SLX9: variants seen among roughly 807,000 people sequenced by gnomAD.
The protein encoded by SLX9 is ribosome biogenesis protein SLX9 homolog.
SLX9 carries 19 observed loss-of-function variants against 20.8 expected under a neutral mutation model. The observed-to-expected ratio is 0.91, with a 90% CI of 0.64 to 1.34. The LOEUF is 1.34. Among genes scored for constraint, SLX9 ranks in the 40% most tolerant of loss-of-function variants. SLX9 has a pLI of 0.00. For synonymous variants in SLX9, 113 were observed against 137.1 expected (o/e 0.82, Z 1.23); for missense variants, 299 against 322.2 (o/e 0.93, Z 0.55).
Position 44,960,018 on chromosome 21 carries a change from C to G in SLX9, c.284-82C>G, listed in dbSNP as rs1480880099. On this transcript the variant is annotated intron_variant, in intron 2 of 5. Coordinates refer to ENST00000291634, the MANE Select transcript of SLX9 (RefSeq NM_058190.4). ...GCAGTGACTGTGGCAGCTCTGCAGT[C>G]AGGACCCGCCCCAGCCCATTCTCAG... 3.2e-6 allele frequency: 4 copies of G among 1,265,186 alleles called. No individual in the cohort carries two copies. In the East Asian group the frequency reaches 9.3e-5, roughly 30 times the overall value. The allele number at this position is 1,265,186 out of a possible 1,614,324, so 78.4% of individuals were successfully genotyped here.
intron 3 of SLX9, among the ~76,000 whole-genome samples, chr21:44,961,703 GATTAA>G (rs888359234): frequency 2.1e-4 from 32 of 152,228 alleles, no homozygotes; most frequent in Admixed American, 1.3e-3. Context: ...CTTCATTTCT[GATTAA>G]ATTAAGAAGT....
chr21:44,959,951 C>T (rs2084924755), intron 2 of SLX9, 149 bp from the exon 3 acceptor site: 1 of 693,446 alleles, frequency 1.4e-6, no homozygotes, highest in Non-Finnish European at 2.6e-6. Context: ...TGGTGCTGTC[C>T]AGAGCCGGGA....
In SLX9 at chr21:44,976,609, G is replaced by A. The variant is rs9808750; in HGVS notation, c.570-71G>A. ...TCTGCCATTCATTTCGGTGTCTGACGTTTCCGGGTGTTGAGGGGCTGAGGG... is the reference window on the plus strand; with the variant it reads ...TCTGCCATTCATTTCGGTGTCTGACATTTCCGGGTGTTGAGGGGCTGAGGG... On this transcript the variant is annotated intron_variant, in intron 5 of 5. Coordinates refer to ENST00000291634, the MANE Select transcript of SLX9 (RefSeq NM_058190.4). 5.2e-4 allele frequency: 795 copies of A among 1,532,164 alleles called. 4 individuals are homozygous for A. In the African/African-American group the frequency reaches 9.9e-3, roughly 19 times the overall value. The allele number at this position is 1,532,164 out of a possible 1,614,324, so 94.9% of individuals were successfully genotyped here.
In SLX9 at chr21:44,976,808, G is replaced by A; in HGVS notation, c.*5G>A. On this transcript the variant is annotated 3_prime_UTR_variant, in exon 6 of 6. Transcript: ENST00000291634. ...GAAGATGGCGGCCAGCTCTGACCAG[G>A]GCAGCGGGCATGCCACAACTCCTCA... 1 of 1,541,124 alleles carries A rather than the reference G, an allele frequency of 6.5e-7. No homozygotes were observed. Among genetic ancestry groups the A allele is most frequent in the East Asian group, 2.4e-5 (1 of 41,038 alleles).
Position 44,959,144 on chromosome 21 carries a change from C to T in SLX9, c.284-956C>T, listed in dbSNP as rs985581931. 10 of 931,554 alleles carry T rather than the reference C, an allele frequency of 1.1e-5. 1 individual carries two copies. In the African/African-American group the frequency reaches 1.2e-4, roughly 12 times the overall value. The allele number at this position is 931,554 out of a possible 1,614,324, so 57.7% of individuals were successfully genotyped here. ...GGCCTTGGAGGTTTCACACCGGCTC[C>T]TGAAGTGAAGTCTGAAATGCAGAGC... On this transcript the variant is annotated intron_variant, in intron 2 of 5. Transcript: ENST00000291634.
At chr21:44,940,664 C>T (rs2084526854) in intron 1 of SLX9, among the ~76,000 whole-genome samples, 1 of 122,118 alleles carries the variant, frequency 8.2e-6, no homozygotes, top group African/African-American at 3.4e-5. Flanking sequence ...GGAATTATTG[C>T]TTTCAGGATT....
chr21:44,950,217 C>T (rs1288020337), intron 2 of SLX9, among the ~76,000 whole-genome samples: 2 of 150,836 alleles, frequency 1.3e-5, no homozygotes, highest in Non-Finnish European at 2.9e-5. Context: ...AGCTCATTTT[C>T]TGCTATTTTC....
chr21:44,974,696 G>T (rs779107238), intron 5 of SLX9, among the ~76,000 whole-genome samples: 6 of 152,312 alleles, frequency 3.9e-5, no homozygotes, highest in Non-Finnish European at 8.8e-5. Context: ...CTCCTGAGGA[G>T]CAGGGTCTTC....
intron 1 of SLX9, 130 bp downstream of exon 1, chr21:44,940,316 C>T: frequency 1.7e-6 from 2 of 1,155,664 alleles, no homozygotes; most frequent in South Asian, 4.4e-5. Context: ...TGCTGCGCTA[C>T]AGACGCGACC....
At chr21:44,939,872 G>A, upstream of SLX9, 1 of 580,448 alleles carries the variant, frequency 1.7e-6, no homozygotes, top group Non-Finnish European at 2.9e-6. Flanking sequence ...TCTCCCAGGT[G>A]CGTCGGTGAA....
intron 4 of SLX9, among the ~76,000 whole-genome samples, chr21:44,968,849 G>T (rs549054221): frequency 1.6e-4 from 25 of 151,852 alleles, no homozygotes; most frequent in African/African-American, 6.0e-4. Context: ...CGCCTCCTGG[G>T]TTCACACCAT....
rs142454716 is a variant in SLX9 at position 44,967,192 on chromosome 21, G to T, written c.500+11G>T. On this transcript the variant is annotated intron_variant, in intron 4 of 5. Transcript: ENST00000291634. ...GCGCCAAGCCCGCAGGTGAGTGTCC[G>T]GGAGGGGTGGCCCTTTCCGAGCTGT... 3.2e-6 allele frequency: 5 copies of T among 1,560,732 alleles called. No homozygotes were observed. The East Asian group carries it at 6.7e-5, about 21-fold the overall frequency.
chr21:44,955,817 T>C (rs1405785662), intron 2 of SLX9, among the ~76,000 whole-genome samples: 3 of 152,242 alleles, frequency 2.0e-5, no homozygotes, highest in Non-Finnish European at 4.4e-5. Flanking sequence ...GGGCCATCCT[T>C]GAAAACGGAG....
At chr21:44,967,921 G>C (rs2085068637) in intron 4 of SLX9, among the ~76,000 whole-genome samples, 1 of 152,164 alleles carries the variant, frequency 6.6e-6, no homozygotes, top group Non-Finnish European at 1.5e-5. Flanking sequence ...CACGGGTCTG[G>C]ATGTGGTTTG....
At chr21:44,973,174 A>C in intron 4 of SLX9, 23 bp from the exon 5 acceptor site, 2 of 1,612,958 alleles carry the variant, frequency 1.2e-6, no homozygotes, top group Non-Finnish European at 1.7e-6. Context: ...ATGCTGACTC[A>C]CGTGGCTTCT....
intron 4 of SLX9, among the ~76,000 whole-genome samples, chr21:44,971,480 G>T (rs1239174521): frequency 2.6e-5 from 4 of 152,156 alleles, no homozygotes; most frequent in South Asian, 2.1e-4. Flanking sequence ...GCCGCGCCTG[G>T]CCTCATGGGC....
intron 3 of SLX9, among the ~76,000 whole-genome samples, chr21:44,965,334 G>A (rs376494301): frequency 2.3e-3 from 345 of 152,220 alleles, no homozygotes; most frequent in Non-Finnish European, 3.7e-3. Flanking sequence ...TTCCCAGGCC[G>A]TGGGTCCCGC....
chr21:44,967,653 A>G (rs1399000245), intron 4 of SLX9, among the ~76,000 whole-genome samples: 1 of 152,060 alleles, frequency 6.6e-6, no homozygotes, highest in Non-Finnish European at 1.5e-5. Flanking sequence ...TGCCCACCTA[A>G]CACTGCACAC....
intron 5 of SLX9, among the ~76,000 whole-genome samples, chr21:44,973,712 C>T (rs1323864085): frequency 2.6e-5 from 4 of 151,792 alleles, no homozygotes; most frequent in African/African-American, 9.7e-5. Context: ...ACCCCGCCCT[C>T]TCCAGGGGTC....
Sources: gnomAD v4.1 joint callset for allele counts (sites outside exome capture counted in the v4.1 genomes callset) on GRCh38, gnomAD v4.1.1 for gene constraint, MANE v1.5 for transcripts, NCBI Gene and HGNC (gene_info 2026-07-23, HGNC 2026-07-21) for gene names.